Variants in CLHC1 observed in about 807,000 individuals in gnomAD.
The protein encoded by CLHC1 is clathrin heavy chain linker domain containing 1.
A neutral mutation model predicts 69.5 loss-of-function variants in CLHC1; 72 were observed. That is an observed-to-expected ratio of 1.04 (90% CI 0.86 to 1.26). CLHC1 has a LOEUF of 1.26. Ranked by LOEUF, CLHC1 falls within the 50% of genes most tolerant of loss-of-function variation. CLHC1 has a pLI of 0.00. For synonymous variants in CLHC1, 223 were observed against 224.3 expected (o/e 0.99, Z 0.05); for missense variants, 790 against 679.3 (o/e 1.16, Z -1.81).
Position 55,222,367 on chromosome 2 carries a change from G to A in CLHC1, c.45C>T (p.Ile15=), listed in dbSNP as rs1394607785. 7 of 1,613,682 alleles carry A rather than the reference G, an allele frequency of 4.3e-6. No individual in the cohort carries two copies. In the Admixed American group the frequency reaches 1.0e-4, roughly 23 times the overall value. Residue 15 remains isoleucine (I), a synonymous_variant, in exon 3 of 13, where the codon ATC becomes ATT. Coordinates refer to ENST00000401408, the MANE Select transcript of CLHC1 (RefSeq NM_152385.4). ...QIRKHAVLPP[I]ICRSDKEFLE... ...AAAATTCCTTGTCACTTCTACAAAT[G>A]ATAGGTGGGAGAACTGCATGTTTTC...
chr2:55,181,788 T>G (rs754533010), intron 9 of CLHC1, 44 bp from the exon 10 acceptor site: 1 of 1,504,432 alleles, frequency 6.6e-7, no homozygotes, highest in South Asian at 1.2e-5. Flanking sequence ...CTTTAAGAAA[T>G]AGTTTGCTTT....
At chr2:55,222,185 A>T in intron 3 of CLHC1, 50 bp downstream of exon 3, 2 of 1,297,918 alleles carry the variant, frequency 1.5e-6, no homozygotes, top group Non-Finnish European at 2.2e-6. Context: ...GTCAACATAG[A>T]TCATTGCTAT....
At chr2:55,176,890 A>AT (rs960928868) in intron 12 of CLHC1, among the ~76,000 whole-genome samples, 3 of 151,880 alleles carry the variant, frequency 2.0e-5, no homozygotes, top group South Asian at 2.1e-4. Context: ...TCTCTCTCTC[A>AT]TTTTTTTTGA....
chr2:55,221,972 C>G (rs1253097554), intron 3 of CLHC1, among the ~76,000 whole-genome samples: 2 of 152,172 alleles, frequency 1.3e-5, no homozygotes, highest in Non-Finnish European at 1.5e-5. Flanking sequence ...GTGAGACTCT[C>G]TCTTTAAAAA....
intron 4 of CLHC1, among the ~76,000 whole-genome samples, chr2:55,214,103 G>A (rs1272517349): frequency 6.6e-6 from 1 of 152,186 alleles, no homozygotes; most frequent in Non-Finnish European, 1.5e-5. Flanking sequence ...AGATGAATGT[G>A]GAAGTCCAAA....
At chr2:55,197,779 C>T (rs1671561169) in intron 9 of CLHC1, among the ~76,000 whole-genome samples, 1 of 152,154 alleles carries the variant, frequency 6.6e-6, no homozygotes, top group South Asian at 2.1e-4. Context: ...CCCAGTTCTT[C>T]AATGCCCAGA....
intron 1 of CLHC1, among the ~76,000 whole-genome samples, chr2:55,231,181 C>A (rs1286750311): frequency 6.8e-6 from 1 of 147,666 alleles, no homozygotes; most frequent in Non-Finnish European, 1.5e-5. Context: ...ACCTGGGAGG[C>A]GGAGTTTACA....
chr2:55,207,722 G>C (rs1004293770), intron 8 of CLHC1, among the ~76,000 whole-genome samples: 2 of 152,008 alleles, frequency 1.3e-5, no homozygotes, highest in Non-Finnish European at 2.9e-5. Context: ...AACTGTGAGG[G>C]GAAAAAAGGA....
chr2:55,208,770 T>A lies in CLHC1; in HGVS notation c.815-60A>T, dbSNP rs1672685021. The stretch of plus-strand genomic sequence containing the variant: ...AAGGTTACTTACCAATAGAAAACAA[T>A]AAACATACATGTGTTTAATACCAAC... On this transcript the variant is annotated intron_variant, in intron 7 of 12. Coordinates refer to ENST00000401408, the MANE Select transcript of CLHC1 (RefSeq NM_152385.4). 3.4e-6 allele frequency: 4 copies of A among 1,172,210 alleles called. No individual in the cohort carries two copies. The Admixed American group carries it at 6.9e-5, about 20-fold the overall frequency. The allele number at this position is 1,172,210 out of a possible 1,614,324, so 72.6% of individuals were successfully genotyped here. A position where few individuals can be genotyped will look rare whatever the true frequency, so the allele number is the denominator to read the frequency against.
At chr2:55,232,434 C>T (rs1675508812), upstream of CLHC1, 1 of 298,892 alleles carries the variant, frequency 3.3e-6, no homozygotes, top group Non-Finnish European at 6.6e-6. Flanking sequence ...TTCTCTTAGC[C>T]ACGTTGATTG....
At position 55,209,727 on chromosome 2, in the gene CLHC1, CATATTTT is replaced by C; in HGVS notation, c.597_603del (p.Ile199MetfsTer10). The C allele has an allele frequency of 6.2e-7, 1 of 1,613,296 alleles. No homozygotes were observed. The highest frequency in any genetic ancestry group is 8.5e-7 in the Non-Finnish European group (1 of 1,179,370). On this transcript the variant is annotated frameshift_variant, in exon 6 of 13. Transcript: ENST00000401408. LOFTEE classifies it high-confidence loss of function. ...AAATCAGCCTTCCTCTGAGCTGGCA[CATATTTT>C]ATCAACATAGCTTGTTTAATTTCTG...
intron 9 of CLHC1, among the ~76,000 whole-genome samples, chr2:55,200,236 A>AC (rs1671813059): frequency 7.1e-6 from 1 of 140,080 alleles, no homozygotes; most frequent in East Asian, 2.0e-4. Flanking sequence ...AAAAAAAAAA[A>AC]AAAAAAAAAC....
intron 1 of CLHC1, among the ~76,000 whole-genome samples, chr2:55,229,215 G>A (rs1232702201): frequency 6.6e-6 from 1 of 150,908 alleles, no homozygotes; most frequent in African/African-American, 2.4e-5. Context: ...ATGACAGATA[G>A]GGGTTAAGTT....
chr2:55,184,947 CACACACACACACACAA>C (rs1312646508), intron 9 of CLHC1, among the ~76,000 whole-genome samples: 2 of 148,892 alleles, frequency 1.3e-5, no homozygotes, highest in Non-Finnish European at 3.0e-5. Context: ...CACACACACA[CACACACACACACACAA>C]AGATTTCCTA....
At chr2:55,228,372 A>G (rs145286374) in intron 1 of CLHC1, among the ~76,000 whole-genome samples, 168 bp from the exon 2 acceptor site, 2 of 152,374 alleles carry the variant, frequency 1.3e-5, no homozygotes, top group East Asian at 3.9e-4. Flanking sequence ...TTCATAAGAC[A>G]TTGGACTTGT....
At position 55,178,599 on chromosome 2, in the gene CLHC1, C is replaced by T. The variant is rs374644220; in HGVS notation, c.1385-818G>A. 7.9e-5 allele frequency among the ~76,000 whole-genome samples: 12 copies of T among 152,230 alleles called. No homozygotes were observed. The East Asian group carries it at 2.3e-3, about 29-fold the overall frequency. ...CAAACTCCTGGGCTCACGCAGTCTC[C>T]CGCCTCAGCCTTCCCAGTAGCTGAG... On this transcript the variant is annotated intron_variant, in intron 11 of 12. Coordinates refer to ENST00000401408, the MANE Select transcript of CLHC1 (RefSeq NM_152385.4).
rs752655163 is a variant in CLHC1, at chr2:55,217,979, G to A, written c.197C>T (p.Ala66Val). The A allele has an allele frequency of 8.4e-6, 13 of 1,546,370 alleles. No homozygotes were observed. The Admixed American group carries it at 2.6e-4, about 31-fold the overall frequency. The change falls in exon 4 of 13, where the codon GCA becomes GTA. Residue 66 changes from alanine to valine, a missense_variant. Transcript: ENST00000401408. The part of the protein sequence containing the change: ...VFDKVIEHIT[A>V]YKSILTSIKK... Reference sequence around the variant, plus strand: ...GATTGAAGTAAGAATGGATTTGTATGCAGTGATATGCTCTATTACCTGAAA... The same window carrying A: ...GATTGAAGTAAGAATGGATTTGTATACAGTGATATGCTCTATTACCTGAAA...
chr2:55,178,921 A>G (rs1669656921), intron 11 of CLHC1, among the ~76,000 whole-genome samples: 1 of 36,180 alleles, frequency 2.8e-5, no homozygotes. Context: ...TTAAAAAATT[A>G]TTATTATTAT....
In CLHC1 at chr2:55,173,137, T is replaced by C. The variant is rs897929991; in HGVS notation, c.*2653A>G. Among the ~76,000 whole-genome samples, 9 of 152,126 alleles carry C rather than the reference T, an allele frequency of 5.9e-5. No homozygotes were observed. Among genetic ancestry groups the C allele is most frequent in the African/African-American group, 2.2e-4 (9 of 41,418 alleles). ...TGCAACTGCTATGTAAAGCAATCAA[T>C]GGCAAGAGGAAAAAAGGAGAGAAGA... On this transcript the variant is annotated 3_prime_UTR_variant, in exon 13 of 13. Coordinates refer to ENST00000401408, the MANE Select transcript of CLHC1 (RefSeq NM_152385.4).
Sources: allele counts gnomAD v4.1 joint callset (sites outside exome capture counted in the v4.1 genomes callset), GRCh38; gene constraint gnomAD v4.1.1; transcripts MANE v1.5; gene names NCBI Gene and HGNC (gene_info 2026-07-23, HGNC 2026-07-21).